The following ZDHHC13 variants were observed in gnomAD, a reference collection of about 807,000 sequenced individuals.
ZDHHC13 encodes the protein palmitoyltransferase ZDHHC13.
Under a neutral mutation model 86.0 loss-of-function variants are expected in ZDHHC13, and 85 were observed. That is an observed-to-expected ratio of 0.99 (90% CI 0.83 to 1.18). ZDHHC13 has a LOEUF of 1.18. Among genes scored for constraint, ZDHHC13 ranks in the 50% most tolerant of loss-of-function variants. The pLI is 0.00. For synonymous variants in ZDHHC13, 263 were observed against 246.4 expected (o/e 1.07, Z -0.63); for missense variants, 711 against 730.2 (o/e 0.97, Z 0.30).
Position 19,151,961 on chromosome 11 carries a change from G to A in ZDHHC13, c.585-197G>A, listed in dbSNP as rs538791064. The stretch of plus-strand genomic sequence containing the variant: ...AAAATTATCTATCTGTATAGCAGTC[G>A]TCATTTAATAGATGTCTTTTTTTTT... On this transcript the variant is annotated intron_variant, in intron 6 of 16. Coordinates refer to ENST00000446113, the MANE Select transcript of ZDHHC13 (RefSeq NM_019028.3). 3.9e-5 allele frequency among the ~76,000 whole-genome samples: 6 copies of A among 152,050 alleles called. No homozygotes were observed. In the East Asian group the frequency reaches 5.8e-4, roughly 15 times the overall value.
At chr11:19,131,929 C>T (rs1003577042) in intron 1 of ZDHHC13, among the ~76,000 whole-genome samples, 11 of 152,172 alleles carry the variant, frequency 7.2e-5, no homozygotes, top group Non-Finnish European at 1.3e-4. Flanking sequence ...GACTTTTATC[C>T]GCAGATACTC....
chr11:19,135,545 G>A (rs952043835), intron 1 of ZDHHC13, among the ~76,000 whole-genome samples: 2 of 152,234 alleles, frequency 1.3e-5, no homozygotes, highest in Non-Finnish European at 2.9e-5. Flanking sequence ...AAGCAGCCGG[G>A]AAGCTCGAAC....
chr11:19,154,612 T>C (rs1457657786), intron 8 of ZDHHC13, among the ~76,000 whole-genome samples: 1 of 152,186 alleles, frequency 6.6e-6, no homozygotes, highest in Non-Finnish European at 1.5e-5. Flanking sequence ...CATTGTTTCA[T>C]AGAAGTTTCA....
chr11:19,173,728 C>G (rs146529655), intron 16 of ZDHHC13, among the ~76,000 whole-genome samples: 2 of 152,266 alleles, frequency 1.3e-5, no homozygotes, highest in Non-Finnish European at 2.9e-5. Flanking sequence ...AATAAAATCC[C>G]TTTCTTTGTA....
intron 12 of ZDHHC13, 127 bp from the exon 13 acceptor site, chr11:19,164,925 G>A (rs2303438): frequency 0.029 from 20,170 of 701,828 alleles, 648 homozygotes; most frequent in East Asian, 0.099. Context: ...CAGCCTCTGT[G>A]TGAATTGATG....
At chr11:19,123,099 A>G (rs1848792679) in intron 1 of ZDHHC13, among the ~76,000 whole-genome samples, 1 of 152,216 alleles carries the variant, frequency 6.6e-6, no homozygotes, top group South Asian at 2.1e-4. Context: ...GAGGATAGAC[A>G]CCCATGTCTT....
intron 4 of ZDHHC13, among the ~76,000 whole-genome samples, chr11:19,148,972 A>T (rs1387861084): frequency 6.6e-6 from 1 of 152,056 alleles, no homozygotes; most frequent in Non-Finnish European, 1.5e-5. Context: ...AAAACAAAAA[A>T]CAAAAAAAAA....
chr11:19,142,949 T>C (rs1246070165), intron 1 of ZDHHC13, 29 bp from the exon 2 acceptor site: 2 of 1,574,334 alleles, frequency 1.3e-6, no homozygotes, highest in East Asian at 2.3e-5. Flanking sequence ...AATTCTCTCA[T>C]GCTTTGTCAA....
intron 1 of ZDHHC13, chr11:19,118,650 G>T (rs1049611466): frequency 1.3e-5 from 2 of 152,248 alleles, no homozygotes; most frequent in Non-Finnish European, 2.9e-5. Flanking sequence ...GAATGATTTG[G>T]TGGTTGAATT....
intron 9 of ZDHHC13, among the ~76,000 whole-genome samples, chr11:19,156,249 A>G (rs904181638): frequency 3.9e-5 from 6 of 152,300 alleles, no homozygotes; most frequent in Non-Finnish European, 8.8e-5. Flanking sequence ...TTTTGTAATC[A>G]TCTTGAAGCA....
chr11:19,142,476 G>A (rs1166925158), intron 1 of ZDHHC13, among the ~76,000 whole-genome samples: 1 of 152,096 alleles, frequency 6.6e-6, no homozygotes, highest in Non-Finnish European at 1.5e-5. Context: ...GGAATTATAT[G>A]AGAACTTGAT....
At chr11:19,142,306 A>G (rs1170836990) in intron 1 of ZDHHC13, among the ~76,000 whole-genome samples, 1 of 152,160 alleles carries the variant, frequency 6.6e-6, no homozygotes, top group African/African-American at 2.4e-5. Flanking sequence ...CTCGCATATC[A>G]TGGCAGCTTA....
chr11:19,136,364 G>T (rs1473046437), intron 1 of ZDHHC13, among the ~76,000 whole-genome samples: 1 of 151,592 alleles, frequency 6.6e-6, no homozygotes. Context: ...GAGAAGGGAA[G>T]TTTAGAGAAA....
chr11:19,142,110 G>T (rs539233440), intron 1 of ZDHHC13, among the ~76,000 whole-genome samples: 1 of 152,088 alleles, frequency 6.6e-6, no homozygotes, highest in South Asian at 2.1e-4. Flanking sequence ...CTCTGCTAAG[G>T]GTCTCTCACA....
At chr11:19,135,013 C>G (rs1184337087) in intron 1 of ZDHHC13, among the ~76,000 whole-genome samples, 1 of 152,112 alleles carries the variant, frequency 6.6e-6, no homozygotes, top group Non-Finnish European at 1.5e-5. Flanking sequence ...GCGTGGGCAA[C>G]AGAGGAAGAC....
At chr11:19,124,608 A>G (rs1343120734) in intron 1 of ZDHHC13, among the ~76,000 whole-genome samples, 1 of 152,152 alleles carries the variant, frequency 6.6e-6, no homozygotes, top group Non-Finnish European at 1.5e-5. Flanking sequence ...AATTTTTAGT[A>G]TAGTTCAACT....
chr11:19,122,976 T>A (rs1029002567), intron 1 of ZDHHC13, among the ~76,000 whole-genome samples: 1 of 152,202 alleles, frequency 6.6e-6, no homozygotes, highest in Non-Finnish European at 1.5e-5. Flanking sequence ...GAAGATATCT[T>A]CTGTTTTCTA....
At chr11:19,161,233 T>C (rs1375287020) in intron 10 of ZDHHC13, among the ~76,000 whole-genome samples, 1 of 151,980 alleles carries the variant, frequency 6.6e-6, no homozygotes, top group Admixed American at 6.6e-5. Flanking sequence ...TGGGGCACTA[T>C]GGAAGAAGAC....
chr11:19,152,389 A>G, intron 7 of ZDHHC13, 69 bp downstream of exon 7: 1 of 1,542,550 alleles, frequency 6.5e-7, no homozygotes, highest in Non-Finnish European at 8.8e-7. Flanking sequence ...ATTAACGTAA[A>G]GATAAGCTAT....
Sources: gnomAD v4.1 joint callset for allele counts (sites outside exome capture counted in the v4.1 genomes callset) on GRCh38, gnomAD v4.1.1 for gene constraint, MANE v1.5 for transcripts, NCBI Gene and HGNC (gene_info 2026-07-23, HGNC 2026-07-21) for gene names.